The following DDX46 variants were observed in gnomAD, a reference collection of about 807,000 sequenced individuals.
DDX46 encodes probable ATP-dependent RNA helicase DDX46.
In DDX46, 30 loss-of-function variants were observed where a neutral mutation model predicts 134.9. The ratio of observed to expected loss-of-function variants is 0.22; its 90% CI spans 0.17 to 0.30. The LOEUF (loss-of-function observed/expected upper bound fraction) is 0.30, where lower values mean the gene tolerates loss of function less well. DDX46 is among the 10% of genes least tolerant of loss of function. The pLI, the probability that DDX46 is intolerant of heterozygous loss-of-function variation, is 1.00. For synonymous variants in DDX46, 415 were observed against 404.1 expected, an observed-to-expected ratio of 1.03 and a Z score of -0.32; for missense variants, 622 against 1,248.7, an observed-to-expected ratio of 0.50 and a Z score of 7.56.
At chr5:134,777,871 T>C in intron 6 of DDX46, 146 bp downstream of exon 6, 2 of 839,508 alleles carry the variant, frequency 2.4e-6, no homozygotes, top group Non-Finnish European at 3.5e-6. Context: ...TTTTTCTGAG[T>C]ACCAGAGATA....
intron 1 of DDX46, among the ~76,000 whole-genome samples, 200 bp from the exon 2 acceptor site, chr5:134,763,704 T>C (rs566048153): frequency 7.2e-5 from 11 of 152,212 alleles, no homozygotes; most frequent in Non-Finnish European, 1.6e-4. Context: ...TGCCTCTCTT[T>C]CAAGACAGAT....
chr5:134,796,092 T>G lies in DDX46; in HGVS notation c.1896T>G (p.Ala632=). The G allele has an allele frequency of 6.2e-7, 1 of 1,613,950 alleles. No homozygotes were observed. The highest frequency in any genetic ancestry group is 1.1e-5 in the South Asian group (1 of 91,082). The part of the protein sequence containing the change: ...VIIFVDKQEH[A]DGLLKDLMRA... ...TATTTGTGGATAAGCAGGAACATGCTGATGGTCTTCTTAAGGATTTAATGA... is the reference window on the plus strand; with the variant it reads ...TATTTGTGGATAAGCAGGAACATGCGGATGGTCTTCTTAAGGATTTAATGA... Residue 632 remains alanine, a synonymous_variant, in exon 15 of 23, where the codon GCT becomes GCG. Transcript: ENST00000452510.
In DDX46 at chr5:134,829,355, T is replaced by C. The variant is rs1251041760; in HGVS notation, c.*649T>C. ...TAAAACTCTACAAAGAGTTATAGTA[T>C]TTACTACTTTGAGGTTTCCCTCACA... On this transcript the variant is annotated 3_prime_UTR_variant, in exon 23 of 23. Coordinates refer to ENST00000452510, the MANE Select transcript of DDX46 (RefSeq NM_001300860.2). 2.0e-5 allele frequency: 3 copies of C among 152,238 alleles called. No homozygotes were observed. The highest frequency in any genetic ancestry group is 4.4e-5 in the Non-Finnish European group (3 of 68,048). 9.4% of individuals were successfully genotyped at this position (152,238 alleles called of 1,614,324 possible).
rs1755363259 is a variant in DDX46 at position 134,818,889 on chromosome 5, A to AG, written c.2863dup (p.Ala955GlyfsTer7). The AG allele has an allele frequency of 6.2e-7, 1 of 1,613,018 alleles. No individual in the cohort carries two copies. ...CTAGGTGGAAAGTTACCTCTAAGGA[A>AG]GCTCTGCAGAGAATCAGTGAATACT... On this transcript the variant is annotated frameshift_variant, in exon 21 of 23. Coordinates refer to ENST00000452510, the MANE Select transcript of DDX46 (RefSeq NM_001300860.2). LOFTEE classifies it high-confidence loss of function.
chr5:134,795,036 T>A (rs772024924), intron 14 of DDX46, 22 bp downstream of exon 14: 1 of 1,611,036 alleles, frequency 6.2e-7, no homozygotes, highest in East Asian at 2.2e-5. Flanking sequence ...CTTTAGGAAA[T>A]TCCCAGTTTC....
At chr5:134,803,104 C>T (rs1325299332) in intron 15 of DDX46, among the ~76,000 whole-genome samples, 1 of 152,114 alleles carries the variant, frequency 6.6e-6, no homozygotes, top group Non-Finnish European at 1.5e-5. Context: ...GGCGATTTTC[C>T]TGCCTCAGTC....
chr5:134,769,621 A>G (rs917309121), intron 3 of DDX46, among the ~76,000 whole-genome samples: 1 of 148,412 alleles, frequency 6.7e-6, no homozygotes, highest in Non-Finnish European at 1.5e-5. Flanking sequence ...GCTCACTGCA[A>G]CCTCCGCCTC....
rs947344058 is a variant in DDX46, at chr5:134,829,591, A to G, written c.*885A>G. 49 of 152,324 alleles carry G rather than the reference A, an allele frequency of 3.2e-4. No homozygotes were observed. Among genetic ancestry groups the G allele is most frequent in the Admixed American group, 2.9e-3 (44 of 15,286 alleles). 9.4% of individuals were successfully genotyped at this position (152,324 alleles called of 1,614,324 possible). On this transcript the variant is annotated 3_prime_UTR_variant, in exon 23 of 23. Coordinates refer to ENST00000452510, the MANE Select transcript of DDX46 (RefSeq NM_001300860.2). Reference sequence around the variant, plus strand: ...TGAATTTTCTTTCTTAAAAATTGTAAAACATAATGGTACCCAAGTTTTAAA... The same window carrying G: ...TGAATTTTCTTTCTTAAAAATTGTAGAACATAATGGTACCCAAGTTTTAAA...
At chr5:134,772,690 G>C (rs1370059055) in intron 4 of DDX46, among the ~76,000 whole-genome samples, 1 of 152,110 alleles carries the variant, frequency 6.6e-6, no homozygotes, top group African/African-American at 2.4e-5. Context: ...ATTTTTCGTA[G>C]AAATGGGGTT....
At position 134,829,579 on chromosome 5, in the gene DDX46, T is replaced by C; in HGVS notation, c.*873T>C. ...TTGAGTAGGTTGTGAATTTTCTTTC[T>C]TAAAAATTGTAAAACATAATGGTAC... On this transcript the variant is annotated 3_prime_UTR_variant, in exon 23 of 23. Transcript: ENST00000452510. 6.6e-6 allele frequency: 1 copy of C among 152,230 alleles called. No individual in the cohort carries two copies. Among genetic ancestry groups the C allele is most frequent in the Admixed American group, 6.5e-5 (1 of 15,268 alleles). 9.4% of individuals were successfully genotyped at this position (152,230 alleles called of 1,614,324 possible).
intron 15 of DDX46, among the ~76,000 whole-genome samples, chr5:134,802,381 C>G (rs916764530): frequency 6.6e-6 from 1 of 151,736 alleles, no homozygotes; most frequent in African/African-American, 2.4e-5. Flanking sequence ...AGGCTGGTCT[C>G]GAATTCCTGA....
chr5:134,816,713 GT>G lies in DDX46; in HGVS notation c.2613+110del. On this transcript the variant is annotated intron_variant, in intron 19 of 22. Coordinates refer to ENST00000452510, the MANE Select transcript of DDX46 (RefSeq NM_001300860.2). ...GTAAACAAGTTGTCCTAGACATTGA[GT>G]TTGTGAGAATTTAACATTCTCAATA... The G allele has an allele frequency of 3.6e-6, 4 of 1,121,794 alleles. No individual in the cohort carries two copies. The South Asian group carries it at 5.9e-5, about 17-fold the overall frequency. 69.5% of individuals were successfully genotyped at this position (1,121,794 alleles called of 1,614,324 possible). A position where few individuals can be genotyped will look rare whatever the true frequency, so the allele number is the denominator to read the frequency against.
At chr5:134,797,212 A>AACAG (rs1462367598) in intron 15 of DDX46, 2 of 275,854 alleles carry the variant, frequency 7.3e-6, no homozygotes, top group Non-Finnish European at 1.4e-5. Context: ...AAACACATGG[A>AACAG]ACAGAGACAG....
chr5:134,790,136 T>G (rs769624029), intron 12 of DDX46: 1 of 485,604 alleles, frequency 2.1e-6, no homozygotes, highest in South Asian at 1.5e-5. Context: ...CTGATGTGGC[T>G]CGATGCTTCA....
intron 22 of DDX46, among the ~76,000 whole-genome samples, chr5:134,827,951 C>G (rs913453400): frequency 6.6e-6 from 1 of 152,166 alleles, no homozygotes; most frequent in African/African-American, 2.4e-5. Flanking sequence ...AAAGAGGTTA[C>G]ATCAATTCAC....
At chr5:134,813,235 G>T (rs1755197547) in intron 18 of DDX46, among the ~76,000 whole-genome samples, 1 of 152,158 alleles carries the variant, frequency 6.6e-6, no homozygotes, top group Admixed American at 6.5e-5. Context: ...GAGCCACCAC[G>T]CCCGACCACA....
In DDX46 at chr5:134,784,372, C is replaced by T. The variant is rs559004136; in HGVS notation, c.1173C>T (p.Gly391=). 5.6e-6 allele frequency: 9 copies of T among 1,600,996 alleles called. No individual in the cohort carries two copies. The Admixed American group carries it at 1.1e-4, about 19-fold the overall frequency. ...MKILNSLKKH[G]YEKPTPIQTQ... ...CTTTGGTTTTCTTTTTAAGGCATGG[C>T]TATGAAAAGCCCACGCCCATCCAAA... Residue 391 remains glycine, a synonymous_variant, in exon 10 of 23, where the codon GGC becomes GGT. Transcript: ENST00000452510.
intron 6 of DDX46, chr5:134,780,928 G>C: frequency 2.7e-6 from 1 of 367,872 alleles, no homozygotes; most frequent in South Asian, 3.3e-5. Context: ...AACTCAGGAG[G>C]ACTGATGGGA....
intron 19 of DDX46, chr5:134,816,989 A>T: frequency 5.5e-6 from 1 of 183,394 alleles, no homozygotes; most frequent in Non-Finnish European, 1.1e-5. Context: ...GGTCTTAAAC[A>T]GTGGAGAAAT....
Sources: allele counts gnomAD v4.1 joint callset (sites outside exome capture counted in the v4.1 genomes callset), GRCh38; gene constraint gnomAD v4.1.1; transcripts MANE v1.5; gene names NCBI Gene and HGNC (gene_info 2026-07-23, HGNC 2026-07-21).